H2BC5: variants seen among roughly 807,000 people sequenced by gnomAD.
H2BC5 encodes the protein H2B clustered histone 5.
Under a neutral mutation model 5.7 loss-of-function variants are expected in H2BC5, and 9 were observed. The ratio of observed to expected loss-of-function variants is 1.57; its 90% CI spans 0.95 to 2.74. H2BC5 has a LOEUF of 2.74. Among genes scored for constraint, H2BC5 ranks in the 30% most tolerant of loss-of-function variants. H2BC5 has a pLI of 0.00. For synonymous variants in H2BC5, 133 were observed against 70.9 expected, an observed-to-expected ratio of 1.88 and a Z score of -4.40; for missense variants, 175 against 168.8, an observed-to-expected ratio of 1.04 and a Z score of -0.20.
At chr6:26,170,683 T>C (rs1764503585) in intron 1 of H2BC5, among the ~76,000 whole-genome samples, 1 of 152,220 alleles carries the variant, frequency 6.6e-6, no homozygotes, top group Non-Finnish European at 1.5e-5. Context: ...GTTCAAATCT[T>C]TTCAGGTCAA....
chr6:26,158,475 G>C lies in H2BC5; in HGVS notation c.306G>C (p.Leu102=), dbSNP rs1478622240. Reference sequence around the variant, plus strand: ...AGATCCAGACGGCCGTGCGCCTGCTGCTTCCGGGGGAGCTGGCCAAGCACG... The same window carrying C: ...AGATCCAGACGGCCGTGCGCCTGCTCCTTCCGGGGGAGCTGGCCAAGCACG... ...SREIQTAVRL[L]LPGELAKHAV... is the part of the protein sequence containing the mutation. Residue 102 remains leucine, a synonymous_variant, in exon 1 of 1, where the codon CTG becomes CTC. Coordinates refer to ENST00000377777, the MANE Select transcript of H2BC5 (RefSeq NM_021063.4). The C allele has an allele frequency of 1.9e-6, 3 of 1,614,268 alleles. No individual in the cohort carries two copies. The highest frequency in any genetic ancestry group is 2.2e-5 in the South Asian group (2 of 91,088).
rs1157928506 is a variant in H2BC5 at position 26,158,276 on chromosome 6, A to AG, written c.108dup (p.Ser37GlufsTer101). On this transcript the variant is annotated frameshift_variant, in exon 1 of 1. Transcript: ENST00000377777. LOFTEE classifies it high-confidence loss of function. ...AAGAAGCGCAAGCGCAGCCGCAAGGAGAGCTATTCAGTGTATGTGTACAAG... is the reference window on the plus strand; with the variant it reads ...AAGAAGCGCAAGCGCAGCCGCAAGGAGGAGCTATTCAGTGTATGTGTACAAG... 6.2e-7 allele frequency: 1 copy of AG among 1,614,144 alleles called. No homozygotes were observed. The highest frequency in any genetic ancestry group is 8.5e-7 in the Non-Finnish European group (1 of 1,180,066).
chr6:26,164,208 G>A, intron 1 of H2BC5: 1 of 415,834 alleles, frequency 2.4e-6, no homozygotes, highest in South Asian at 2.2e-5. Flanking sequence ...AGGAAGCAGT[G>A]CCCCTCTCAG....
intron 1 of H2BC5, among the ~76,000 whole-genome samples, chr6:26,167,896 T>C (rs187788054): frequency 1.2e-3 from 185 of 151,840 alleles, no homozygotes; most frequent in African/African-American, 4.0e-3. Flanking sequence ...TATTTATTTT[T>C]ATTTTTTTAT....
chr6:26,163,562 C>A (rs1452315534), downstream of H2BC5: 2 of 152,172 alleles, frequency 1.3e-5, no homozygotes, highest in African/African-American at 4.8e-5. Flanking sequence ...CAAGGTGGCA[C>A]ACTCGCATAT....
At position 26,158,269 on chromosome 6, in the gene H2BC5, C is replaced by T; in HGVS notation, c.100C>T (p.Arg34Cys). The T allele has an allele frequency of 6.2e-7, 1 of 1,614,254 alleles. No homozygotes were observed. The highest frequency in any genetic ancestry group is 8.5e-7 in the Non-Finnish European group (1 of 1,180,058). ...KKDGKKRKRS[R>C]KESYSVYVYK... ...GGACGGGAAGAAGCGCAAGCGCAGC[C>T]GCAAGGAGAGCTATTCAGTGTATGT... The change falls in exon 1 of 1, where the codon CGC becomes TGC. Residue 34 changes from arginine to cysteine, a missense_variant. Arg to Cys is a radical substitution (Grantham distance 180). Coordinates refer to ENST00000377777, the MANE Select transcript of H2BC5 (RefSeq NM_021063.4).
chr6:26,161,667 G>A (rs142005882), downstream of H2BC5, among the ~76,000 whole-genome samples: 42 of 152,258 alleles, frequency 2.8e-4, no homozygotes, highest in East Asian at 7.9e-3. Context: ...AGCTACTCAG[G>A]AGGCTGAGGT....
At chr6:26,158,849 C>T (rs184090132), downstream of H2BC5, among the ~76,000 whole-genome samples, 91 of 152,210 alleles carry the variant, frequency 6.0e-4, 1 homozygote, top group South Asian at 8.5e-3. Flanking sequence ...CTTTGGTTTC[C>T]GTGTGCAGAT....
intron 1 of H2BC5, chr6:26,164,027 A>G (rs1314818873): frequency 2.3e-6 from 1 of 436,582 alleles, no homozygotes; most frequent in Admixed American, 2.5e-5. Flanking sequence ...AAGAATAGTA[A>G]AAGAACTTAT....
At chr6:26,164,313 C>CT (rs1310938037) in intron 1 of H2BC5, 1 of 240,036 alleles carries the variant, frequency 4.2e-6, no homozygotes, top group Non-Finnish European at 9.1e-6. Context: ...AGCCAGCACT[C>CT]AGACACACAG....
Position 26,166,991 on chromosome 6 carries a change from G to A in H2BC5, c.*10-3984G>A, listed in dbSNP as rs552020568. ...GCTGGGATTACAGGCATGAGCCACCGTGCCCGGCCTCTTTTTTTCTTTTCT... is the reference window on the plus strand; with the variant it reads ...GCTGGGATTACAGGCATGAGCCACCATGCCCGGCCTCTTTTTTTCTTTTCT... On this transcript the variant is annotated intron_variant, in intron 1 of 1. Coordinates refer to the H2BC5 transcript ENST00000289316. Among the ~76,000 whole-genome samples the A allele has an allele frequency of 1.5e-4, 23 of 149,482 alleles. No individual in the cohort carries two copies. The South Asian group carries it at 3.2e-3, about 20-fold the overall frequency.
exon 2 of H2BC5, chr6:26,171,035 T>C (rs1455773694): frequency 1.3e-5 from 2 of 152,206 alleles, no homozygotes; most frequent in African/African-American, 4.8e-5. Context: ...TATGAATCTA[T>C]ACATAGAACT....
chr6:26,161,322 CAT>C (rs1197520353), downstream of H2BC5: 3 of 152,094 alleles, frequency 2.0e-5, no homozygotes, highest in Non-Finnish European at 4.4e-5. Context: ...AGAAAATAAA[CAT>C]GTAATTATAA....
downstream of H2BC5, chr6:26,158,707 G>A (rs962430864): frequency 1.2e-5 from 15 of 1,218,000 alleles, no homozygotes; most frequent in Admixed American, 8.6e-5. Flanking sequence ...TACTGCAGAG[G>A]AAATAACTTG....
In H2BC5 at chr6:26,164,135, G is replaced by A. The variant is rs76563255; in HGVS notation, c.*9+5576G>A. ...TGAAGACTTCTGAGTAGATCCCCCC[G>A]TGGGTGAGGAGGCCAACCACAAGCA... On this transcript the variant is annotated intron_variant, in intron 1 of 1. Transcript: ENST00000289316. 998 of 447,220 alleles carry A rather than the reference G, an allele frequency of 2.2e-3. 30 individuals are homozygous for A. In the East Asian group the frequency reaches 0.027, roughly 12 times the overall value. The allele number at this position is 447,220 out of a possible 1,614,324, so 27.7% of individuals were successfully genotyped here. A position where few individuals can be genotyped will look rare whatever the true frequency, so the allele number is the denominator to read the frequency against.
At chr6:26,162,042 A>C (rs1305087523), downstream of H2BC5, among the ~76,000 whole-genome samples, 1 of 152,218 alleles carries the variant, frequency 6.6e-6, no homozygotes, top group African/African-American at 2.4e-5. Flanking sequence ...GATACAAAAA[A>C]AGGGAGTCAC....
downstream of H2BC5, among the ~76,000 whole-genome samples, chr6:26,159,080 A>G (rs576499995): frequency 5.3e-5 from 8 of 152,178 alleles, 1 homozygote; most frequent in South Asian, 1.7e-3. Context: ...AAGGTTTCTG[A>G]TTTGTTTTGT....
intron 1 of H2BC5, among the ~76,000 whole-genome samples, chr6:26,165,498 C>T (rs1053940880): frequency 6.6e-6 from 1 of 152,120 alleles, no homozygotes; most frequent in South Asian, 2.1e-4. Context: ...CCTGCCGTGA[C>T]GTCCTGCATC....
At chr6:26,160,344 A>C (rs1466564237), downstream of H2BC5, among the ~76,000 whole-genome samples, 1 of 152,086 alleles carries the variant, frequency 6.6e-6, no homozygotes, top group Non-Finnish European at 1.5e-5. Flanking sequence ...AAAATGCACA[A>C]GGAGCTTCAC....
Sources: allele counts gnomAD v4.1 joint callset (sites outside exome capture counted in the v4.1 genomes callset), GRCh38; gene constraint gnomAD v4.1.1; transcripts MANE v1.5; gene names NCBI Gene and HGNC (gene_info 2026-07-23, HGNC 2026-07-21).